PDK1: variants seen among roughly 807,000 people sequenced by gnomAD.
PDK1 encodes pyruvate dehydrogenase kinase 1.
Under a neutral mutation model 54.2 loss-of-function variants are expected in PDK1, and 39 were observed. That is an observed-to-expected ratio of 0.72 (90% CI 0.56 to 0.94). The LOEUF (loss-of-function observed/expected upper bound fraction) is 0.94. Ranked by LOEUF, PDK1 falls within the 40% of genes least tolerant of loss-of-function variation. The probability of loss-of-function intolerance (pLI) is 0.00; values close to 1 mark genes in which losing one functional copy is unlikely to be tolerated. For synonymous variants in PDK1, 221 were observed against 207.1 expected (o/e 1.07, Z -0.58); for missense variants, 552 against 566.0 (o/e 0.98, Z 0.25).
At chr2:172,635,090 C>T in the PDK1 span, among the ~76,000 whole-genome samples, 7 of 152,098 alleles carry the variant, frequency 4.6e-5, no homozygotes. Flanking sequence ...TCTACAATAT[C>T]ACTGCATTGT....
intron 8 of PDK1, among the ~76,000 whole-genome samples, chr2:172,572,724 G>GA (rs1008289226): frequency 3.3e-5 from 5 of 151,768 alleles, no homozygotes; most frequent in African/African-American, 1.2e-4. Context: ...GACTCCATCT[G>GA]AAAAAAAGAA....
the PDK1 span, among the ~76,000 whole-genome samples, chr2:172,720,717 GGTTTT>G: frequency 2.6e-5 from 4 of 152,104 alleles, no homozygotes; most frequent in African/African-American, 4.8e-5. Flanking sequence ...ATAATGACAA[GGTTTT>G]GTTTTGTTTT....
At chr2:172,610,479 A>G (rs1367036632), downstream of PDK1, among the ~76,000 whole-genome samples, 2 of 152,098 alleles carry the variant, frequency 1.3e-5, no homozygotes. Context: ...TTTGTTCTCC[A>G]GTCCTGGGTG....
the PDK1 span, among the ~76,000 whole-genome samples, chr2:172,677,962 A>G: frequency 1.3e-5 from 2 of 152,188 alleles, no homozygotes; most frequent in African/African-American, 4.8e-5. Flanking sequence ...TTAGGTCAGG[A>G]GTTCGAGACC....
chr2:172,558,039 A>G (rs1688444784), intron 1 of PDK1: 1 of 152,252 alleles, frequency 6.6e-6, no homozygotes, highest in Non-Finnish European at 1.5e-5. Context: ...TGTGTTGCCC[A>G]GGCTGGTCCT....
chr2:172,690,443 C>T, the PDK1 span, among the ~76,000 whole-genome samples: 3 of 150,254 alleles, frequency 2.0e-5, 1 homozygote. Flanking sequence ...GACAGTGTGG[C>T]GATTCCTCAG....
intron 3 of PDK1, among the ~76,000 whole-genome samples, chr2:172,562,497 T>C (rs551074087): frequency 6.6e-6 from 1 of 152,260 alleles, no homozygotes; most frequent in Non-Finnish European, 1.5e-5. Context: ...AAAGTTCAGG[T>C]GTGATGATCA....
At chr2:172,587,159 T>G (rs1193743801) in intron 9 of PDK1, among the ~76,000 whole-genome samples, 6 of 152,210 alleles carry the variant, frequency 3.9e-5, no homozygotes, top group Admixed American at 3.9e-4. Flanking sequence ...AATTGGTGGG[T>G]TTTTGGTCTT....
At chr2:172,689,039 A>T in the PDK1 span, among the ~76,000 whole-genome samples, 1 of 152,206 alleles carries the variant, frequency 6.6e-6, no homozygotes, top group Non-Finnish European at 1.5e-5. Context: ...CACAGCATGG[A>T]AAGGGACCCG....
At chr2:172,595,485 C>T (rs528040688) in intron 10 of PDK1, among the ~76,000 whole-genome samples, 4 of 152,224 alleles carry the variant, frequency 2.6e-5, no homozygotes, top group African/African-American at 7.2e-5. Context: ...ATACATATAT[C>T]GATTTGTATG....
chr2:172,643,281 A>G, the PDK1 span, among the ~76,000 whole-genome samples: 11,570 of 152,202 alleles, frequency 0.076, 1,107 homozygotes, highest in African/African-American at 0.23. Context: ...AGTTTTATAA[A>G]TATTAGGTTA....
chr2:172,621,845 TGA>T, the PDK1 span, among the ~76,000 whole-genome samples: 1 of 120,596 alleles, frequency 8.3e-6, no homozygotes, highest in Non-Finnish European at 1.8e-5. Flanking sequence ...CTCATATGTA[TGA>T]TACATGTTTA....
the PDK1 span, among the ~76,000 whole-genome samples, chr2:172,660,017 C>G: frequency 6.6e-6 from 1 of 151,990 alleles, no homozygotes; most frequent in Non-Finnish European, 1.5e-5. Flanking sequence ...TGTTCTGATG[C>G]TGCATGGGGG....
At chr2:172,557,646 TA>T (rs1382725936) in intron 1 of PDK1, among the ~76,000 whole-genome samples, 78 of 142,302 alleles carry the variant, frequency 5.5e-4, no homozygotes, top group Middle Eastern at 3.6e-3. Flanking sequence ...TGTGTGTGTG[TA>T]TTTTTTTTTA....
the PDK1 span, among the ~76,000 whole-genome samples, chr2:172,691,035 C>T: frequency 6.7e-6 from 1 of 150,330 alleles, no homozygotes; most frequent in Non-Finnish European, 1.5e-5. Context: ...AGTCCCCACT[C>T]AACCCAGGAA....
chr2:172,563,679 C>A (rs1490240805), intron 3 of PDK1, among the ~76,000 whole-genome samples: 2 of 152,042 alleles, frequency 1.3e-5, no homozygotes, highest in Non-Finnish European at 1.5e-5. Flanking sequence ...ACTAAAAATA[C>A]AAAATTAGCC....
chr2:172,589,475 C>G (rs1361328765), intron 9 of PDK1, among the ~76,000 whole-genome samples: 1 of 152,198 alleles, frequency 6.6e-6, no homozygotes, highest in Non-Finnish European at 1.5e-5. Flanking sequence ...CCCAAGGCAA[C>G]CTCAGGGAAG....
At chr2:172,572,487 G>A (rs1689335403) in intron 8 of PDK1, among the ~76,000 whole-genome samples, 2 of 152,180 alleles carry the variant, frequency 1.3e-5, no homozygotes, top group South Asian at 2.1e-4. Context: ...CACTTTGGGA[G>A]GCCAAGTTGG....
chr2:172,611,247 T>G (rs1691452883), downstream of PDK1, among the ~76,000 whole-genome samples: 1 of 152,212 alleles, frequency 6.6e-6, no homozygotes, highest in African/African-American at 2.4e-5. Context: ...AACTTCATAT[T>G]TTGTGTGATT....
Sources: allele counts gnomAD v4.1 joint callset (sites outside exome capture counted in the v4.1 genomes callset), GRCh38; gene constraint gnomAD v4.1.1; transcripts MANE v1.5; gene names NCBI Gene and HGNC (gene_info 2026-07-23, HGNC 2026-07-21).